The following OSBPL10 variants were observed in gnomAD, a reference collection of about 807,000 sequenced individuals.
The protein encoded by OSBPL10 is oxysterol-binding protein-related protein 10.
A neutral mutation model predicts 81.7 loss-of-function variants in OSBPL10; 49 were observed. That is an observed-to-expected ratio of 0.60 (90% CI 0.48 to 0.76). The LOEUF (loss-of-function observed/expected upper bound fraction) is 0.76, where lower values mean the gene tolerates loss of function less well. OSBPL10 is among the 30% of genes least tolerant of loss of function. The pLI is 0.00. For missense variants in OSBPL10, 923 were observed against 987.8 expected (o/e 0.93, Z 0.88); for synonymous variants, 419 against 383.6 (o/e 1.09, Z -1.08).
chr3:31,747,469 ATGAAATGAATCTTCAAAT>A (rs1697559890), intron 5 of OSBPL10, among the ~76,000 whole-genome samples: 1 of 141,290 alleles, frequency 7.1e-6, no homozygotes, highest in South Asian at 2.4e-4. Context: ...ACTGAATGGA[ATGAAATGAATCTTCAAAT>A]AAAAAAAAAA....
At chr3:31,765,823 C>A (rs962354602) in intron 4 of OSBPL10, among the ~76,000 whole-genome samples, 17 of 152,008 alleles carry the variant, frequency 1.1e-4, no homozygotes, top group African/African-American at 4.1e-4. Context: ...TGTATACCTC[C>A]CAGGGTTTAG....
intron 1 of OSBPL10, among the ~76,000 whole-genome samples, chr3:31,893,670 C>G (rs931007987): frequency 3.3e-5 from 5 of 151,934 alleles, no homozygotes; most frequent in African/African-American, 1.2e-4. Context: ...TGTGGCATAT[C>G]CATCCCATGG....
intron 7 of OSBPL10, chr3:31,701,934 G>C (rs1695907956): frequency 6.1e-6 from 1 of 163,452 alleles, no homozygotes; most frequent in South Asian, 1.8e-4. Context: ...GGCGTGTAGA[G>C]TGGCGTCATT....
intron 4 of OSBPL10, among the ~76,000 whole-genome samples, chr3:31,771,465 A>G (rs942600882): frequency 6.6e-6 from 1 of 152,186 alleles, no homozygotes; most frequent in African/African-American, 2.4e-5. Context: ...GCTTTGAAGC[A>G]TGACAAGATA....
rs559263549 is a variant in OSBPL10, at chr3:31,787,864, T to A, written c.730-39744A>T. Among the ~76,000 whole-genome samples the A allele has an allele frequency of 4.6e-5, 7 of 152,268 alleles. No homozygotes were observed. The East Asian group carries it at 1.2e-3, about 25-fold the overall frequency. On this transcript the variant is annotated intron_variant, in intron 4 of 11. Transcript: ENST00000396556. ...ATGGCATAAATACCCGACAACAGAA[T>A]GAGTATTTAAATAAATTATAAGGAA...
rs115482678 is a variant in OSBPL10, at chr3:31,885,157, C to G, written c.282-5327G>C. ...TTTCCAAAAGAAGCACAAATGCACA[C>G]ATATATACCCTCATATACACTTATA... is the stretch of plus-strand genomic sequence containing the variant. On this transcript the variant is annotated intron_variant, in intron 1 of 11. Coordinates refer to ENST00000396556, the MANE Select transcript of OSBPL10 (RefSeq NM_017784.5). Among the ~76,000 whole-genome samples the G allele has an allele frequency of 4.3e-3, 660 of 152,306 alleles. 2 individuals carry two copies. Among genetic ancestry groups the G allele is most frequent in the African/African-American group, 0.015 (629 of 41,550 alleles).
chr3:31,715,679 T>C (rs186442799), intron 6 of OSBPL10, among the ~76,000 whole-genome samples: 1 of 152,226 alleles, frequency 6.6e-6, no homozygotes, highest in African/African-American at 2.4e-5. Flanking sequence ...ATAAAATGAT[T>C]CTGTGCCTAA....
chr3:31,967,766 T>C (rs564389130), intron 1 of OSBPL10, among the ~76,000 whole-genome samples: 102 of 152,316 alleles, frequency 6.7e-4, no homozygotes, highest in African/African-American at 2.4e-3. Context: ...GCAATTTCAT[T>C]GTAGTTAATC....
At chr3:31,716,756 C>G (rs1696453520) in intron 6 of OSBPL10, among the ~76,000 whole-genome samples, 1 of 152,204 alleles carries the variant, frequency 6.6e-6, no homozygotes, top group Admixed American at 6.5e-5. Flanking sequence ...TATTCTTCAA[C>G]ATTAGACAAG....
chr3:31,820,611 AT>A (rs922866051), intron 4 of OSBPL10, among the ~76,000 whole-genome samples: 1 of 152,040 alleles, frequency 6.6e-6, no homozygotes, highest in Non-Finnish European at 1.5e-5. Context: ...AAAAAAAAAA[AT>A]TTCAACATAA....
At chr3:32,052,101 G>T (rs1426853112) in intron 1 of OSBPL10, among the ~76,000 whole-genome samples, 1 of 151,912 alleles carries the variant, frequency 6.6e-6, no homozygotes, top group Non-Finnish European at 1.5e-5. Context: ...CAAAAAATTA[G>T]CTGGGTGTGG....
chr3:31,806,004 G>C (rs1413122320), intron 4 of OSBPL10, among the ~76,000 whole-genome samples: 1 of 152,208 alleles, frequency 6.6e-6, no homozygotes, highest in Non-Finnish European at 1.5e-5. Context: ...TACATTTGCA[G>C]AGTCTAAAGC....
intron 8 of OSBPL10, among the ~76,000 whole-genome samples, chr3:31,678,781 A>AGTGTGTGT (rs1559411581): frequency 1.5e-4 from 15 of 99,210 alleles, no homozygotes; most frequent in African/African-American, 6.3e-4. Context: ...ACAGATTCAA[A>AGTGTGTGT]CTGTGTGTGT....
chr3:31,899,895 AACT>A (rs1196780186), intron 1 of OSBPL10, among the ~76,000 whole-genome samples: 7 of 152,204 alleles, frequency 4.6e-5, no homozygotes, highest in African/African-American at 1.2e-4. Context: ...TACAGAAAAT[AACT>A]ACAATTAAAA....
chr3:31,712,103 A>T (rs1481656706), intron 6 of OSBPL10, among the ~76,000 whole-genome samples: 1 of 152,156 alleles, frequency 6.6e-6, no homozygotes, highest in African/African-American at 2.4e-5. Flanking sequence ...TACTGCAGGG[A>T]AGTACAGCTG....
Position 31,879,650 on chromosome 3 carries a change from C to A in OSBPL10, c.457+5G>T, listed in dbSNP as rs778990882. The A allele has an allele frequency of 6.2e-7, 1 of 1,606,650 alleles. No individual in the cohort carries two copies. The highest frequency in any genetic ancestry group is 1.1e-5 in the South Asian group (1 of 89,668). On this transcript the variant is annotated splice_donor_5th_base_variant and intron_variant, in intron 2 of 11. Coordinates refer to ENST00000396556, the MANE Select transcript of OSBPL10 (RefSeq NM_017784.5). ...GTCTGAAAAGTTACTGGGAGAAGAA[C>A]GCACCTCTCAGTTTAAACATCTCTC...
At chr3:31,715,739 G>A (rs1696410980) in intron 6 of OSBPL10, among the ~76,000 whole-genome samples, 1 of 152,272 alleles carries the variant, frequency 6.6e-6, no homozygotes, top group South Asian at 2.1e-4. Context: ...CATAAGCACT[G>A]GTCCATGCCG....
At chr3:31,959,655 A>G (rs1698106464) in intron 1 of OSBPL10, among the ~76,000 whole-genome samples, 1 of 152,230 alleles carries the variant, frequency 6.6e-6, no homozygotes, top group South Asian at 2.1e-4. Context: ...GACCATTTTT[A>G]GCATCACCTT....
intron 11 of OSBPL10, chr3:31,663,211 G>A (rs1700109025): frequency 2.0e-6 from 2 of 984,840 alleles, no homozygotes; most frequent in African/African-American, 1.7e-5. Context: ...TTGCCTACTG[G>A]TATTTAAATT....
Sources: allele counts gnomAD v4.1 joint callset (sites outside exome capture counted in the v4.1 genomes callset), GRCh38; gene constraint gnomAD v4.1.1; transcripts MANE v1.5; gene names NCBI Gene and HGNC (gene_info 2026-07-23, HGNC 2026-07-21).